Variants in TAFA1 observed in about 807,000 individuals in gnomAD.
TAFA1 encodes the protein chemokine-like protein TAFA-1.
A neutral mutation model predicts 18.5 loss-of-function variants in TAFA1; 4 were observed. The ratio of observed to expected loss-of-function variants is 0.22; its 90% CI spans 0.11 to 0.49. The LOEUF (loss-of-function observed/expected upper bound fraction) is 0.49. Among genes scored for constraint, TAFA1 ranks in the 20% least tolerant of loss-of-function variants. The probability of loss-of-function intolerance (pLI) is 0.98; values close to 1 mark genes in which losing one functional copy is unlikely to be tolerated. For missense variants in TAFA1, 147 were observed against 169.0 expected (o/e 0.87, Z 0.72); for synonymous variants, 56 against 55.2 (o/e 1.01, Z -0.06).
chr3:68,457,371 T>C (rs1387853277), intron 3 of TAFA1, among the ~76,000 whole-genome samples: 1 of 152,242 alleles, frequency 6.6e-6, no homozygotes, highest in Middle Eastern at 3.2e-3. Context: ...TCTAAATATA[T>C]GTTATGCATT....
chr3:68,448,209 A>G (rs2071504543), intron 3 of TAFA1, among the ~76,000 whole-genome samples: 2 of 152,222 alleles, frequency 1.3e-5, no homozygotes, highest in Admixed American at 6.5e-5. Context: ...TAACAGTGTT[A>G]TAAGGTCCAC....
intron 3 of TAFA1, among the ~76,000 whole-genome samples, chr3:68,536,769 GCTTCCTATTGTGGT>G (rs1422743847): frequency 6.6e-6 from 1 of 152,140 alleles, no homozygotes; most frequent in Non-Finnish European, 1.5e-5. Flanking sequence ...TTCATTGCCA[GCTTCCTATTGTGGT>G]CATCCTTGAT....
chr3:68,010,944 A>G (rs1458472272), intron 2 of TAFA1, among the ~76,000 whole-genome samples: 1 of 152,180 alleles, frequency 6.6e-6, no homozygotes, highest in Non-Finnish European at 1.5e-5. Context: ...CAATTGTTTC[A>G]GGTAATTATA....
At chr3:68,211,911 T>C (rs1009209473) in intron 2 of TAFA1, among the ~76,000 whole-genome samples, 7 of 152,134 alleles carry the variant, frequency 4.6e-5, no homozygotes, top group African/African-American at 1.7e-4. Flanking sequence ...TCAACAACTC[T>C]CTTTAGGTCC....
intron 2 of TAFA1, among the ~76,000 whole-genome samples, chr3:68,347,945 G>A (rs907089270): frequency 1.1e-4 from 17 of 152,132 alleles, no homozygotes; most frequent in African/African-American, 4.1e-4. Flanking sequence ...AGGGTTTCAG[G>A]TGGGGACTAG....
At chr3:68,094,790 G>A (rs1409222820) in intron 2 of TAFA1, among the ~76,000 whole-genome samples, 2 of 152,156 alleles carry the variant, frequency 1.3e-5, no homozygotes, top group African/African-American at 4.8e-5. Context: ...GTGGATGTTA[G>A]TGTTCTTGCT....
At chr3:68,452,225 T>G (rs974304858) in intron 3 of TAFA1, among the ~76,000 whole-genome samples, 1 of 152,140 alleles carries the variant, frequency 6.6e-6, no homozygotes, top group African/African-American at 2.4e-5. Flanking sequence ...GCACTGTACT[T>G]TTATTAGAAC....
At chr3:68,293,985 T>C (rs2068160922) in intron 2 of TAFA1, among the ~76,000 whole-genome samples, 1 of 152,212 alleles carries the variant, frequency 6.6e-6, no homozygotes, top group South Asian at 2.1e-4. Flanking sequence ...TTTAGGATTT[T>C]TTGTTCATTT....
intron 2 of TAFA1, among the ~76,000 whole-genome samples, chr3:68,222,474 A>T (rs2066742940): frequency 6.6e-6 from 1 of 152,062 alleles, no homozygotes; most frequent in African/African-American, 2.4e-5. Flanking sequence ...CAGGGTTACT[A>T]GCTTAGTTAT....
intron 3 of TAFA1, among the ~76,000 whole-genome samples, chr3:68,455,042 G>A (rs1348622674): frequency 6.6e-6 from 1 of 151,980 alleles, no homozygotes; most frequent in Non-Finnish European, 1.5e-5. Flanking sequence ...CATGTATTTT[G>A]CATATTATAT....
At chr3:68,205,620 C>CCTAG (rs1475804097) in intron 2 of TAFA1, among the ~76,000 whole-genome samples, 1 of 151,752 alleles carries the variant, frequency 6.6e-6, no homozygotes, top group Admixed American at 6.6e-5. Flanking sequence ...AGAAAACGTC[C>CCTAG]CTAGATGATC....
chr3:68,262,318 T>G (rs2067444895), intron 2 of TAFA1, among the ~76,000 whole-genome samples: 1 of 66,382 alleles, frequency 1.5e-5, no homozygotes, highest in Non-Finnish European at 2.9e-5. Flanking sequence ...TATATATATA[T>G]ATATATATAT....
chr3:68,307,646 T>A (rs577946985), intron 2 of TAFA1, among the ~76,000 whole-genome samples: 1 of 152,232 alleles, frequency 6.6e-6, no homozygotes, highest in Non-Finnish European at 1.5e-5. Context: ...TACTATGTGA[T>A]TGTTACTTTC....
chr3:68,142,126 G>A (rs1379433595), intron 2 of TAFA1, among the ~76,000 whole-genome samples: 5 of 152,154 alleles, frequency 3.3e-5, no homozygotes, highest in Non-Finnish European at 5.9e-5. Flanking sequence ...TAAAAAAGAA[G>A]AGAGATTATC....
Position 68,376,945 on chromosome 3 carries a change from C to T in TAFA1, c.119-40335C>T, listed in dbSNP as rs117227010. ...GTTCTATAAGTGTTTGACAATTCCT[C>T]CTTCACATGCTCCTCTCTCTTCTAC... is the stretch of plus-strand genomic sequence containing the variant. On this transcript the variant is annotated intron_variant, in intron 2 of 4. Transcript: ENST00000478136. Among the ~76,000 whole-genome samples the T allele has an allele frequency of 4.9e-4, 75 of 152,244 alleles. 1 individual carries two copies. In the East Asian group the frequency reaches 0.014, roughly 28 times the overall value.
intron 3 of TAFA1, among the ~76,000 whole-genome samples, chr3:68,437,784 A>G (rs1232534919): frequency 6.6e-6 from 1 of 152,086 alleles, no homozygotes; most frequent in East Asian, 1.9e-4. Flanking sequence ...ACAAATTTTC[A>G]AACCATAGCA....
chr3:68,360,522 G>A (rs1488219854), intron 2 of TAFA1, among the ~76,000 whole-genome samples: 1 of 151,992 alleles, frequency 6.6e-6, no homozygotes, highest in East Asian at 1.9e-4. Flanking sequence ...AAGTAGAGTA[G>A]CGGCTACTCG....
intron 3 of TAFA1, among the ~76,000 whole-genome samples, chr3:68,483,387 A>G (rs2072273193): frequency 6.6e-6 from 1 of 152,216 alleles, no homozygotes; most frequent in African/African-American, 2.4e-5. Flanking sequence ...ATAATGCTTC[A>G]TGGATTATAA....
At chr3:68,131,889 T>C (rs2065543317) in intron 2 of TAFA1, among the ~76,000 whole-genome samples, 1 of 152,182 alleles carries the variant, frequency 6.6e-6, no homozygotes, top group African/African-American at 2.4e-5. Flanking sequence ...TTAACCTTTT[T>C]TTTTTATTAT....
Sources: gnomAD v4.1 joint callset for allele counts (sites outside exome capture counted in the v4.1 genomes callset) on GRCh38, gnomAD v4.1.1 for gene constraint, MANE v1.5 for transcripts, NCBI Gene and HGNC (gene_info 2026-07-23, HGNC 2026-07-21) for gene names.